Variants in NBEA observed in about 807,000 individuals in gnomAD.
NBEA encodes neurobeachin.
In NBEA, 44 loss-of-function variants were observed where a neutral mutation model predicts 343.4. The ratio of observed to expected loss-of-function variants is 0.13; its 90% CI spans 0.10 to 0.16. The LOEUF (loss-of-function observed/expected upper bound fraction) is 0.16. Among genes scored for constraint, NBEA ranks in the 10% least tolerant of loss-of-function variants. NBEA has a pLI of 1.00. For missense variants in NBEA, 2,555 were observed against 3,631.3 expected, an observed-to-expected ratio of 0.70 and a Z score of 7.62; for synonymous variants, 1,175 against 1,238.7, an observed-to-expected ratio of 0.95 and a Z score of 1.08.
chr13:35,324,644 A>G (rs553322831), intron 36 of NBEA, among the ~76,000 whole-genome samples: 69 of 152,322 alleles, frequency 4.5e-4, no homozygotes, highest in African/African-American at 1.5e-3. Flanking sequence ...TACATTTTGC[A>G]CATATTCCTC....
chr13:35,440,015 G>C (rs2045649138), intron 39 of NBEA, among the ~76,000 whole-genome samples: 1 of 152,200 alleles, frequency 6.6e-6, no homozygotes, highest in Non-Finnish European at 1.5e-5. Flanking sequence ...GAGTAGCTGA[G>C]ATTACAGGCA....
At position 35,572,713 on chromosome 13, in the gene NBEA, T is replaced by TTTG. The variant is rs151081649; in HGVS notation, c.7035+5729_7035+5731dup. Among the ~76,000 whole-genome samples the TTTG allele has an allele frequency of 7.0e-3, 1,055 of 150,352 alleles. 10 individuals carry two copies. Among genetic ancestry groups the TTTG allele is most frequent in the African/African-American group, 0.023 (949 of 40,876 alleles). ...ACTCAGCAATCTAGAGCAAGTTGGG[T>TTTG]TTGTTGTTGTTGTTGTTGTTGTTGT... On this transcript the variant is annotated intron_variant, in intron 45 of 58. Transcript: ENST00000379939.
intron 43 of NBEA, 70 bp from the exon 44 acceptor site, chr13:35,554,917 A>T: frequency 1.6e-6 from 1 of 636,832 alleles, no homozygotes; most frequent in Non-Finnish European, 2.7e-6. Flanking sequence ...GCAATATATT[A>T]GTTAATATTG....
chr13:35,105,572 T>A (rs1250895380), intron 11 of NBEA, among the ~76,000 whole-genome samples: 1 of 152,068 alleles, frequency 6.6e-6, no homozygotes, highest in Non-Finnish European at 1.5e-5. Flanking sequence ...CTGAGCAAGA[T>A]TCTTCTCTCC....
chr13:35,451,241 G>A (rs539785465), intron 39 of NBEA, among the ~76,000 whole-genome samples: 4 of 152,066 alleles, frequency 2.6e-5, no homozygotes, highest in Non-Finnish European at 4.4e-5. Context: ...CTCCTGCCTG[G>A]GCCTCCCGGG....
At chr13:35,087,967 C>T (rs970532181) in intron 10 of NBEA, among the ~76,000 whole-genome samples, 5 of 151,666 alleles carry the variant, frequency 3.3e-5, no homozygotes, top group African/African-American at 7.3e-5. Flanking sequence ...GGGGTTGGTA[C>T]GGGGCACCAA....
At chr13:34,973,030 C>T (rs1217947603) in intron 1 of NBEA, among the ~76,000 whole-genome samples, 1 of 151,896 alleles carries the variant, frequency 6.6e-6, no homozygotes, top group East Asian at 1.9e-4. Context: ...TTTTAATAGT[C>T]TGGCTGCTTT....
At chr13:35,063,792 T>A (rs1489981203) in intron 8 of NBEA, among the ~76,000 whole-genome samples, 1 of 152,008 alleles carries the variant, frequency 6.6e-6, no homozygotes, top group Non-Finnish European at 1.5e-5. Flanking sequence ...AGATTTTTGA[T>A]AAAGCATATC....
chr13:35,009,737 G>A (rs2061423160), intron 1 of NBEA, among the ~76,000 whole-genome samples: 1 of 152,180 alleles, frequency 6.6e-6, no homozygotes, highest in African/African-American at 2.4e-5. Flanking sequence ...GATCCTGGGT[G>A]GTGAGGGTGG....
chr13:35,011,358 A>G (rs1375419405), intron 1 of NBEA, among the ~76,000 whole-genome samples: 1 of 152,202 alleles, frequency 6.6e-6, no homozygotes, highest in Non-Finnish European at 1.5e-5. Flanking sequence ...CTCATCTATA[A>G]ATTGAGAAAG....
Position 34,998,555 on chromosome 13 carries a change from G to A in NBEA, c.295-42378G>A, listed in dbSNP as rs556553845. Reference sequence around the variant, plus strand: ...ATTTTAGAGGCCTCCCCTCAGGGACGCATTCTCTTTCTCAGGGATGTTCCT... The same window carrying A: ...ATTTTAGAGGCCTCCCCTCAGGGACACATTCTCTTTCTCAGGGATGTTCCT... On this transcript the variant is annotated intron_variant, in intron 1 of 58. Coordinates refer to ENST00000379939, the MANE Select transcript of NBEA (RefSeq NM_001385012.1). Among the ~76,000 whole-genome samples, 12 of 152,186 alleles carry A rather than the reference G, an allele frequency of 7.9e-5. No homozygotes were observed. The South Asian group carries it at 1.2e-3, about 16-fold the overall frequency.
At chr13:35,449,873 C>G (rs9544382) in intron 39 of NBEA, among the ~76,000 whole-genome samples, 35,197 of 151,998 alleles carry the variant, frequency 0.23, 4,360 homozygotes, top group East Asian at 0.36. Flanking sequence ...AAATATATGT[C>G]TAACAATCTA....
At chr13:35,562,622 A>G (rs1478315672) in intron 44 of NBEA, among the ~76,000 whole-genome samples, 1 of 152,036 alleles carries the variant, frequency 6.6e-6, no homozygotes, top group East Asian at 1.9e-4. Context: ...TTAATTATGT[A>G]TATATTTAGC....
At chr13:35,339,592 G>A (rs2039463981) in intron 36 of NBEA, among the ~76,000 whole-genome samples, 1 of 152,010 alleles carries the variant, frequency 6.6e-6, no homozygotes, top group Admixed American at 6.6e-5. Flanking sequence ...ATAAAGAAAA[G>A]AGGTTTAATT....
chr13:35,511,755 T>G (rs1039961920), intron 41 of NBEA, among the ~76,000 whole-genome samples: 1 of 152,224 alleles, frequency 6.6e-6, no homozygotes, highest in East Asian at 1.9e-4. Flanking sequence ...ATTTTTTAAC[T>G]TCTACAAATA....
chr13:35,081,049 T>C (rs920872882), intron 10 of NBEA, among the ~76,000 whole-genome samples: 1 of 152,118 alleles, frequency 6.6e-6, no homozygotes, highest in Non-Finnish European at 1.5e-5. Flanking sequence ...CACAATGACT[T>C]TATGATTTAA....
chr13:35,202,667 C>G (rs1401573791), intron 31 of NBEA, among the ~76,000 whole-genome samples: 2 of 152,122 alleles, frequency 1.3e-5, no homozygotes, highest in African/African-American at 4.8e-5. Flanking sequence ...CTCATCCACT[C>G]TCCTGGCATT....
intron 34 of NBEA, among the ~76,000 whole-genome samples, chr13:35,246,886 G>C (rs1312253882): frequency 1.3e-5 from 2 of 152,134 alleles, no homozygotes; most frequent in African/African-American, 4.8e-5. Flanking sequence ...TCAGCTACCA[G>C]GGTGGGTAAG....
At chr13:35,327,369 A>G (rs1270890218) in intron 36 of NBEA, among the ~76,000 whole-genome samples, 2 of 152,124 alleles carry the variant, frequency 1.3e-5, no homozygotes, top group East Asian at 1.9e-4. Context: ...AAGACATAGA[A>G]TCAACCTAGG....
Sources: allele counts gnomAD v4.1 joint callset (sites outside exome capture counted in the v4.1 genomes callset), GRCh38; gene constraint gnomAD v4.1.1; transcripts MANE v1.5; gene names NCBI Gene and HGNC (gene_info 2026-07-23, HGNC 2026-07-21).